The following PLXDC2 variants were observed in gnomAD, a reference collection of about 807,000 sequenced individuals.
PLXDC2 encodes the protein plexin domain-containing protein 2.
A neutral mutation model predicts 68.9 loss-of-function variants in PLXDC2; 40 were observed. The observed-to-expected ratio is 0.58, with a 90% CI of 0.45 to 0.76. PLXDC2 has a LOEUF of 0.76. Among genes scored for constraint, PLXDC2 ranks in the 30% least tolerant of loss-of-function variants. The probability of loss-of-function intolerance (pLI) is 0.00; values close to 1 mark genes in which losing one functional copy is unlikely to be tolerated. For synonymous variants in PLXDC2, 243 were observed against 234.2 expected (o/e 1.04, Z -0.34); for missense variants, 644 against 661.9 (o/e 0.97, Z 0.30).
At chr10:19,892,967 A>G (rs1023013464) in intron 1 of PLXDC2, among the ~76,000 whole-genome samples, 5 of 147,850 alleles carry the variant, frequency 3.4e-5, no homozygotes, top group African/African-American at 1.0e-4. Context: ...CATTGTCATC[A>G]CAATCAGATT....
chr10:20,192,899 A>G (rs1176123635), intron 9 of PLXDC2, among the ~76,000 whole-genome samples: 2 of 152,074 alleles, frequency 1.3e-5, no homozygotes, highest in African/African-American at 4.8e-5. Flanking sequence ...CAGAATCTAT[A>G]AAGAGACCAA....
intron 9 of PLXDC2, among the ~76,000 whole-genome samples, chr10:20,188,080 T>G (rs1375612972): frequency 6.6e-6 from 1 of 151,304 alleles, no homozygotes; most frequent in Admixed American, 6.6e-5. Flanking sequence ...TTGACTCGTT[T>G]CCCCCCAACT....
At chr10:20,074,504 A>G (rs1398906506) in intron 4 of PLXDC2, among the ~76,000 whole-genome samples, 1 of 152,076 alleles carries the variant, frequency 6.6e-6, no homozygotes, top group African/African-American at 2.4e-5. Context: ...CTGGCCAATA[A>G]TCATTAGCTT....
At chr10:20,207,567 C>A (rs1326729843) in intron 9 of PLXDC2, among the ~76,000 whole-genome samples, 2 of 152,072 alleles carry the variant, frequency 1.3e-5, no homozygotes. Context: ...ATGTTTTTTT[C>A]TTCTGTAGAA....
chr10:20,278,587 A>G (rs903325906), intron 13 of PLXDC2, among the ~76,000 whole-genome samples: 1 of 150,262 alleles, frequency 6.7e-6, no homozygotes, highest in Non-Finnish European at 1.5e-5. Flanking sequence ...GATAGCACTT[A>G]ATATTATTAG....
At chr10:19,940,498 TG>T (rs1441955838) in intron 1 of PLXDC2, among the ~76,000 whole-genome samples, 2 of 151,370 alleles carry the variant, frequency 1.3e-5, no homozygotes, top group African/African-American at 2.4e-5. Flanking sequence ...ATGTTTTACT[TG>T]GGTAGGTCTG....
intron 1 of PLXDC2, among the ~76,000 whole-genome samples, chr10:19,958,835 G>A (rs1834112149): frequency 6.6e-6 from 1 of 152,030 alleles, no homozygotes; most frequent in Non-Finnish European, 1.5e-5. Context: ...GTTTTGTTTT[G>A]TTTTTCAAAT....
intron 13 of PLXDC2, among the ~76,000 whole-genome samples, chr10:20,252,316 A>G (rs1835687334): frequency 6.6e-6 from 1 of 152,232 alleles, no homozygotes; most frequent in African/African-American, 2.4e-5. Flanking sequence ...TACAAAAAAT[A>G]ATGTCAATAT....
At chr10:19,866,990 T>C (rs541310714) in intron 1 of PLXDC2, among the ~76,000 whole-genome samples, 2 of 151,774 alleles carry the variant, frequency 1.3e-5, no homozygotes, top group East Asian at 3.9e-4. Flanking sequence ...TGGGTTTTCC[T>C]CTATCCAGGT....
At chr10:20,207,961 G>T (rs996263567) in intron 9 of PLXDC2, among the ~76,000 whole-genome samples, 3 of 152,008 alleles carry the variant, frequency 2.0e-5, no homozygotes, top group African/African-American at 4.8e-5. Flanking sequence ...TCTCTGGCAA[G>T]GGTTCTTAGA....
chr10:19,860,566 T>G (rs1166642302), intron 1 of PLXDC2, among the ~76,000 whole-genome samples: 1 of 152,216 alleles, frequency 6.6e-6, no homozygotes, highest in Non-Finnish European at 1.5e-5. Flanking sequence ...AGGCACCCTT[T>G]TCTCTACTCG....
At chr10:19,847,471 G>T (rs183568237) in intron 1 of PLXDC2, among the ~76,000 whole-genome samples, 1 of 152,144 alleles carries the variant, frequency 6.6e-6, no homozygotes, top group Non-Finnish European at 1.5e-5. Context: ...TTAACTCAGC[G>T]GTTGCCCAAG....
At chr10:20,268,423 A>C (rs1342864613) in intron 13 of PLXDC2, among the ~76,000 whole-genome samples, 1 of 152,196 alleles carries the variant, frequency 6.6e-6, no homozygotes, top group Non-Finnish European at 1.5e-5. Context: ...ACATATGATG[A>C]AACTGGTCAT....
At chr10:20,212,824 T>C (rs970311265) in intron 10 of PLXDC2, among the ~76,000 whole-genome samples, 16 of 152,270 alleles carry the variant, frequency 1.1e-4, no homozygotes, top group African/African-American at 3.4e-4. Flanking sequence ...ACCTCACTTA[T>C]CTAATAACGT....
intron 1 of PLXDC2, among the ~76,000 whole-genome samples, chr10:19,936,687 A>T (rs1965564326): frequency 6.6e-6 from 1 of 152,194 alleles, no homozygotes; most frequent in Non-Finnish European, 1.5e-5. Context: ...TGGTAACTTG[A>T]AATAGTCCAT....
intron 1 of PLXDC2, among the ~76,000 whole-genome samples, chr10:19,845,424 T>A (rs535626035): frequency 6.6e-6 from 1 of 152,228 alleles, no homozygotes; most frequent in East Asian, 1.9e-4. Context: ...CTTTGAAAAC[T>A]CTTCTTCTGA....
At chr10:20,044,554 C>A (rs1174608586) in intron 2 of PLXDC2, among the ~76,000 whole-genome samples, 2 of 151,976 alleles carry the variant, frequency 1.3e-5, no homozygotes, top group Admixed American at 1.3e-4. Flanking sequence ...AGGTGATCCA[C>A]CCGCCTCGGC....
At chr10:20,142,536 G>C (rs758053312) in intron 4 of PLXDC2, among the ~76,000 whole-genome samples, 1 of 152,078 alleles carries the variant, frequency 6.6e-6, no homozygotes, top group Non-Finnish European at 1.5e-5. Context: ...AAGTGGGTTA[G>C]ACATGTAACA....
rs374637871 is a variant in PLXDC2, at chr10:20,006,671, AC to A, written c.324+4686del. Among the ~76,000 whole-genome samples, 73 of 152,372 alleles carry A rather than the reference AC, an allele frequency of 4.8e-4. No homozygotes were observed. The East Asian group carries it at 0.013, about 26-fold the overall frequency. ...AAGGCTGTTATTCTCTTCACTTGGT[AC>A]TTGGTGACAGTATTTTTTCTGGCTC... On this transcript the variant is annotated intron_variant, in intron 2 of 13. Transcript: ENST00000377252.
Sources: allele counts gnomAD v4.1 joint callset (sites outside exome capture counted in the v4.1 genomes callset), GRCh38; gene constraint gnomAD v4.1.1; transcripts MANE v1.5; gene names NCBI Gene and HGNC (gene_info 2026-07-23, HGNC 2026-07-21).